Variants in TMEM232 observed in about 807,000 individuals in gnomAD.
TMEM232 encodes the protein transmembrane protein 232.
Under a neutral mutation model 78.8 loss-of-function variants are expected in TMEM232, and 80 were observed. That is an observed-to-expected ratio of 1.01 (90% CI 0.85 to 1.22). The LOEUF is 1.22. TMEM232 is among the 50% of genes most tolerant of loss of function. TMEM232 has a pLI of 0.00. For synonymous variants in TMEM232, 297 were observed against 254.3 expected (o/e 1.17, Z -1.60); for missense variants, 881 against 742.2 (o/e 1.19, Z -2.17).
intron 1 of TMEM232, among the ~76,000 whole-genome samples, chr5:110,676,467 G>A (rs1274384145): frequency 2.7e-5 from 4 of 150,922 alleles, no homozygotes; most frequent in Non-Finnish European, 5.9e-5. Context: ...CGCGATCTTG[G>A]GGCTCACTGC....
chr5:110,729,793 G>A (rs1470707778), upstream of TMEM232, among the ~76,000 whole-genome samples: 4 of 151,968 alleles, frequency 2.6e-5, no homozygotes, highest in African/African-American at 4.8e-5. Flanking sequence ...TTCAATCCTT[G>A]ACTTACAGCC....
chr5:110,424,568 A>G (rs1757037945), intron 13 of TMEM232, among the ~76,000 whole-genome samples: 2 of 152,196 alleles, frequency 1.3e-5, no homozygotes, highest in South Asian at 4.1e-4. Flanking sequence ...TCTTGTCACA[A>G]GAAATCAGTA....
intron 1 of TMEM232, among the ~76,000 whole-genome samples, chr5:110,695,850 C>A (rs1448216718): frequency 6.6e-6 from 1 of 152,130 alleles, no homozygotes. Flanking sequence ...CAGATGGATT[C>A]ACAGCCAAAT....
intron 2 of TMEM232, among the ~76,000 whole-genome samples, chr5:110,733,441 C>T (rs1798868573): frequency 6.6e-6 from 1 of 152,152 alleles, no homozygotes; most frequent in African/African-American, 2.4e-5. Context: ...ACGGAATCAA[C>T]CTAAATGCCC....
rs574696174 is a variant in TMEM232 at position 110,490,193 on chromosome 5, A to G, written c.1703+38395T>C. 3.7e-5 allele frequency among the ~76,000 whole-genome samples: 5 copies of G among 136,898 alleles called. No individual in the cohort carries two copies. The South Asian group carries it at 9.6e-4, about 26-fold the overall frequency. 89.8% of individuals were successfully genotyped at this position (136,898 alleles called of 152,430 possible). On this transcript the variant is annotated intron_variant, in intron 12 of 13. Coordinates refer to ENST00000455884, the MANE Select transcript of TMEM232 (RefSeq NM_001039763.4). ...AGAAAGAAAGAAAGAAAGAAAGAAAAAGTTAATTGTATTGCTATACACTAT... is the reference window on the plus strand; with the variant it reads ...AGAAAGAAAGAAAGAAAGAAAGAAAGAGTTAATTGTATTGCTATACACTAT...
At chr5:110,605,919 CA>C (rs928581859) in intron 9 of TMEM232, among the ~76,000 whole-genome samples, 15 of 151,944 alleles carry the variant, frequency 9.9e-5, no homozygotes, top group African/African-American at 3.4e-4. Flanking sequence ...TAATAACCAA[CA>C]ATACAGAAAT....
At chr5:110,732,264 T>G (rs1798754810) in intron 2 of TMEM232, among the ~76,000 whole-genome samples, 1 of 152,214 alleles carries the variant, frequency 6.6e-6, no homozygotes, top group Admixed American at 6.5e-5. Flanking sequence ...TATTTTCCTG[T>G]CTTCTTCTGA....
chr5:110,519,619 G>A (rs758521213), intron 12 of TMEM232, among the ~76,000 whole-genome samples: 2 of 151,842 alleles, frequency 1.3e-5, no homozygotes, highest in Non-Finnish European at 2.9e-5. Flanking sequence ...TCCCACTGTT[G>A]GGCATATACC....
intron 10 of TMEM232, among the ~76,000 whole-genome samples, chr5:110,601,623 C>T (rs1055220814): frequency 6.6e-6 from 1 of 152,096 alleles, no homozygotes; most frequent in Non-Finnish European, 1.5e-5. Flanking sequence ...GAACTACAAA[C>T]CACTGCTCAA....
intron 2 of TMEM232, among the ~76,000 whole-genome samples, chr5:110,654,421 G>T (rs1580522543): frequency 6.6e-6 from 1 of 152,112 alleles, no homozygotes; most frequent in Non-Finnish European, 1.5e-5. Flanking sequence ...TTTCCCCATT[G>T]CTTGTTTTTC....
chr5:110,612,588 G>A (rs759755344), intron 8 of TMEM232, among the ~76,000 whole-genome samples: 8 of 152,184 alleles, frequency 5.3e-5, no homozygotes, highest in East Asian at 1.9e-4. Context: ...GTGCCTTGCC[G>A]CCCATACAGT....
intron 8 of TMEM232, among the ~76,000 whole-genome samples, chr5:110,607,324 G>T (rs1269305221): frequency 6.6e-6 from 1 of 151,904 alleles, no homozygotes; most frequent in African/African-American, 2.4e-5. Context: ...TGTAACTCAA[G>T]TTTTCTCCCA....
At chr5:110,399,787 C>T (rs1301036042) in intron 2 of TMEM232, among the ~76,000 whole-genome samples, 1 of 152,176 alleles carries the variant, frequency 6.6e-6, no homozygotes, top group African/African-American at 2.4e-5. Context: ...AGATCCAAGA[C>T]AAATTCCCTG....
At chr5:110,626,223 CTAATA>C in intron 6 of TMEM232, among the ~76,000 whole-genome samples, 1 of 151,814 alleles carries the variant, frequency 6.6e-6, no homozygotes. Context: ...CAATAACAAT[CTAATA>C]TGAGAACTTG....
intron 12 of TMEM232, among the ~76,000 whole-genome samples, chr5:110,486,101 T>C (rs1290542587): frequency 1.3e-5 from 2 of 152,162 alleles, no homozygotes; most frequent in African/African-American, 2.4e-5. Flanking sequence ...CATACATTTG[T>C]TGGCCATTTG....
chr5:110,461,976 T>C lies in TMEM232; in HGVS notation c.1704-37060A>G, dbSNP rs1025105457. Among the ~76,000 whole-genome samples the C allele has an allele frequency of 5.9e-5, 9 of 152,216 alleles. No individual in the cohort carries two copies. The East Asian group carries it at 1.7e-3, about 29-fold the overall frequency. ...TGGTGGAGATGTACAAGGAGATTAA[T>C]GTTGGTTTCATGTCTTTTAACACAA... On this transcript the variant is annotated intron_variant, in intron 12 of 13. Transcript: ENST00000455884.
chr5:110,517,226 C>A (rs1768807173), intron 12 of TMEM232, among the ~76,000 whole-genome samples: 1 of 152,172 alleles, frequency 6.6e-6, no homozygotes. Flanking sequence ...TCAGCATGCT[C>A]AGGTGTTGAT....
At chr5:110,687,272 T>C (rs1202332169) in intron 1 of TMEM232, among the ~76,000 whole-genome samples, 1 of 151,832 alleles carries the variant, frequency 6.6e-6, no homozygotes, top group Admixed American at 6.6e-5. Context: ...GCTTAGGAAC[T>C]GCCTCTTCTT....
intron 12 of TMEM232, among the ~76,000 whole-genome samples, chr5:110,438,677 A>C (rs1758697096): frequency 6.6e-6 from 1 of 152,138 alleles, no homozygotes; most frequent in South Asian, 2.1e-4. Flanking sequence ...CAAACGGACC[A>C]GAACTATTCC....
Sources: allele counts gnomAD v4.1 joint callset (sites outside exome capture counted in the v4.1 genomes callset), GRCh38; gene constraint gnomAD v4.1.1; transcripts MANE v1.5; gene names NCBI Gene and HGNC (gene_info 2026-07-23, HGNC 2026-07-21).